KSR2: variants seen among roughly 807,000 people sequenced by gnomAD.
KSR2 encodes kinase suppressor of ras 2.
Under a neutral mutation model 107.8 loss-of-function variants are expected in KSR2, and 25 were observed. The ratio of observed to expected loss-of-function variants is 0.23; its 90% CI spans 0.17 to 0.32. KSR2 has a LOEUF of 0.32. Among genes scored for constraint, KSR2 ranks in the 10% least tolerant of loss-of-function variants. The probability of loss-of-function intolerance (pLI) is 1.00; values close to 1 mark genes in which losing one functional copy is unlikely to be tolerated. For missense variants in KSR2, 887 were observed against 1,268.9 expected, an observed-to-expected ratio of 0.70 and a Z score of 4.57; for synonymous variants, 480 against 507.0, an observed-to-expected ratio of 0.95 and a Z score of 0.71.
At chr12:117,956,971 A>G (rs187321258) in intron 1 of KSR2, among the ~76,000 whole-genome samples, 30 of 152,112 alleles carry the variant, frequency 2.0e-4, no homozygotes, top group Non-Finnish European at 2.9e-5. Context: ...CTTTGTTTCT[A>G]TCAGTCCTCT....
chr12:117,864,103 G>A (rs893460258), intron 1 of KSR2, among the ~76,000 whole-genome samples: 10 of 152,056 alleles, frequency 6.6e-5, no homozygotes, highest in Admixed American at 3.3e-4. Context: ...GCACTTACCC[G>A]GGCAAGTGGT....
In KSR2 at chr12:117,718,638, G is replaced by A. The variant is rs1045429373; in HGVS notation, c.986+42373C>T. On this transcript the variant is annotated intron_variant, in intron 4 of 19. Transcript: ENST00000339824. ...CAGCTGGAATTAAATCATATGCATTGGAAGCTCAGTTTTGTCCTCTAAGCC... is the reference window on the plus strand; with the variant it reads ...CAGCTGGAATTAAATCATATGCATTAGAAGCTCAGTTTTGTCCTCTAAGCC... Among the ~76,000 whole-genome samples the A allele has an allele frequency of 2.0e-5, 3 of 152,156 alleles. No homozygotes were observed. The South Asian group carries it at 6.2e-4, about 32-fold the overall frequency.
intron 14 of KSR2, among the ~76,000 whole-genome samples, chr12:117,522,727 C>T (rs553295384): frequency 1.6e-4 from 24 of 152,058 alleles, no homozygotes; most frequent in Admixed American, 5.9e-4. Context: ...AACCTGAGAC[C>T]GCCATGAGAA....
At chr12:117,690,822 C>T (rs1305689572) in intron 4 of KSR2, among the ~76,000 whole-genome samples, 1 of 152,188 alleles carries the variant, frequency 6.6e-6, no homozygotes, top group African/African-American at 2.4e-5. Flanking sequence ...AAAAGTGGCT[C>T]ACACTGTGGT....
At position 117,460,138 on chromosome 12, in the gene KSR2, A is replaced by G. The variant is rs1032405306; in HGVS notation, c.*7061T>C. ...AATCCGGCGAGTTTTCCATGGAATG[A>G]AAGGTCTATGGGACATGCTTGGGAA... On this transcript the variant is annotated 3_prime_UTR_variant, in exon 20 of 20. Coordinates refer to ENST00000339824, the MANE Select transcript of KSR2 (RefSeq NM_173598.6). The G allele has an allele frequency of 3.9e-5, 6 of 152,246 alleles. No individual in the cohort carries two copies. The highest frequency in any genetic ancestry group is 1.4e-4 in the African/African-American group (6 of 41,462). The allele number at this position is 152,246 out of a possible 1,614,324, so 9.4% of individuals were successfully genotyped here.
At chr12:117,787,044 T>G (rs28627182) in intron 3 of KSR2, among the ~76,000 whole-genome samples, 11,695 of 151,230 alleles carry the variant, frequency 0.077, 611 homozygotes, top group Non-Finnish European at 0.12. Flanking sequence ...AAAAAAAAAA[T>G]TATGTATATC....
rs1277688393 is a variant in KSR2, at chr12:117,458,870, CT to C, written c.*8328del. ...TTGGAGTCAGGCTCCTTTTCCTGCC[CT>C]TTATATGCAGCACCCCCTGACTTCC... On this transcript the variant is annotated 3_prime_UTR_variant, in exon 20 of 20. Transcript: ENST00000339824. 6.6e-6 allele frequency: 1 copy of C among 152,162 alleles called. No homozygotes were observed. Among genetic ancestry groups the C allele is most frequent in the Non-Finnish European group, 1.5e-5 (1 of 68,054 alleles). 9.4% of individuals were successfully genotyped at this position (152,162 alleles called of 1,614,324 possible).
At chr12:117,710,660 G>C (rs1886731422) in intron 4 of KSR2, among the ~76,000 whole-genome samples, 1 of 152,160 alleles carries the variant, frequency 6.6e-6, no homozygotes, top group Non-Finnish European at 1.5e-5. Context: ...TCGGTGCCTT[G>C]AGAATAATCA....
At chr12:117,845,193 A>C (rs1395774619) in intron 3 of KSR2, among the ~76,000 whole-genome samples, 1 of 152,190 alleles carries the variant, frequency 6.6e-6, no homozygotes, top group African/African-American at 2.4e-5. Flanking sequence ...TGCATCAGAC[A>C]GCGAGCCCCT....
chr12:117,537,965 C>T (rs1320434875), intron 10 of KSR2, among the ~76,000 whole-genome samples: 2 of 152,188 alleles, frequency 1.3e-5, no homozygotes, highest in Non-Finnish European at 2.9e-5. Flanking sequence ...CCTTCCCCAT[C>T]CCTTGGTCCA....
chr12:117,863,320 G>A (rs915962807), intron 1 of KSR2, among the ~76,000 whole-genome samples: 1 of 152,164 alleles, frequency 6.6e-6, no homozygotes, highest in Non-Finnish European at 1.5e-5. Flanking sequence ...GACAAGAGCT[G>A]CCTGGACCAT....
Position 117,793,401 on chromosome 12 carries a change from A to G in KSR2, c.473-31877T>C, listed in dbSNP as rs370170052. On this transcript the variant is annotated intron_variant, in intron 3 of 19. Transcript: ENST00000339824. Reference sequence around the variant, plus strand: ...CACACCACTGTGCACCCATACCAACATGCACACATACACACCAAAATGCAC... The same window carrying G: ...CACACCACTGTGCACCCATACCAACGTGCACACATACACACCAAAATGCAC... 5.1e-3 allele frequency among the ~76,000 whole-genome samples: 762 copies of G among 148,784 alleles called. 5 individuals carry two copies. The highest frequency in any genetic ancestry group is 0.017 in the African/African-American group (704 of 40,256).
intron 1 of KSR2, among the ~76,000 whole-genome samples, chr12:117,947,231 A>C (rs1334918587): frequency 8.3e-6 from 1 of 120,722 alleles, no homozygotes; most frequent in African/African-American, 3.4e-5. Context: ...GAAAGAAAGA[A>C]AGAAAGAAAG....
chr12:117,814,339 C>T (rs1001623511), intron 3 of KSR2, among the ~76,000 whole-genome samples: 7 of 152,166 alleles, frequency 4.6e-5, no homozygotes, highest in African/African-American at 1.2e-4. Flanking sequence ...GATCACTATA[C>T]ATTGTATGTA....
intron 4 of KSR2, among the ~76,000 whole-genome samples, chr12:117,711,963 C>G (rs1886800840): frequency 6.6e-6 from 1 of 152,156 alleles, no homozygotes; most frequent in African/African-American, 2.4e-5. Flanking sequence ...TGCATGGAGG[C>G]AGAGCTGGCC....
At chr12:117,808,928 C>A (rs1316892312) in intron 3 of KSR2, among the ~76,000 whole-genome samples, 1 of 152,148 alleles carries the variant, frequency 6.6e-6, no homozygotes, top group African/African-American at 2.4e-5. Flanking sequence ...CTTACACACC[C>A]TCTCCTTTTC....
chr12:117,707,034 G>A (rs1177490774), intron 4 of KSR2, among the ~76,000 whole-genome samples: 1 of 152,186 alleles, frequency 6.6e-6, no homozygotes, highest in Admixed American at 6.5e-5. Flanking sequence ...ATATTTGTGT[G>A]TGTGTGCAAA....
intron 4 of KSR2, among the ~76,000 whole-genome samples, chr12:117,730,556 T>C (rs1316010565): frequency 1.3e-5 from 2 of 151,968 alleles, no homozygotes. Flanking sequence ...CCTCTGATGC[T>C]GAGCCGAGGC....
intron 4 of KSR2, among the ~76,000 whole-genome samples, chr12:117,731,983 A>G (rs1205184250): frequency 6.7e-6 from 1 of 149,358 alleles, no homozygotes; most frequent in Non-Finnish European, 1.5e-5. Context: ...CTATTGTCCT[A>G]TGACCCTGCC....
Sources: allele counts gnomAD v4.1 joint callset (sites outside exome capture counted in the v4.1 genomes callset), GRCh38; gene constraint gnomAD v4.1.1; transcripts MANE v1.5; gene names NCBI Gene and HGNC (gene_info 2026-07-23, HGNC 2026-07-21).